Variants in ACBD5 observed in about 807,000 individuals in gnomAD.
ACBD5 encodes acyl-CoA-binding domain-containing protein 5.
ACBD5 carries 40 observed loss-of-function variants against 71.8 expected under a neutral mutation model. That is an observed-to-expected ratio of 0.56 (90% CI 0.43 to 0.72). The LOEUF (loss-of-function observed/expected upper bound fraction) is 0.72. Ranked by LOEUF, ACBD5 falls within the 30% of genes least tolerant of loss-of-function variation. The pLI is 0.00. For missense variants in ACBD5, 559 were observed against 644.5 expected, an observed-to-expected ratio of 0.87 and a Z score of 1.44; for synonymous variants, 229 against 218.6, an observed-to-expected ratio of 1.05 and a Z score of -0.42.
At chr10:27,217,918 A>G (rs1160929993) in intron 7 of ACBD5, 62 bp downstream of exon 7, 7 of 1,404,730 alleles carry the variant, frequency 5.0e-6, no homozygotes, top group Non-Finnish European at 7.0e-6. Flanking sequence ...TAAAGATCCT[A>G]TAATTACTAA....
At chr10:27,194,596 A>G (rs1302651181), downstream of ACBD5, among the ~76,000 whole-genome samples, 1 of 140,734 alleles carries the variant, frequency 7.1e-6, no homozygotes, top group Non-Finnish European at 1.5e-5. Flanking sequence ...TGGGCGGCAG[A>G]GCAAGACTCC....
chr10:27,227,858 G>A (rs982892780), intron 4 of ACBD5, among the ~76,000 whole-genome samples: 10 of 151,830 alleles, frequency 6.6e-5, no homozygotes, highest in African/African-American at 2.4e-4. Flanking sequence ...GATTACAAGC[G>A]CCCGCCACCA....
chr10:27,236,884 C>CAAAA (rs5783998), intron 2 of ACBD5, among the ~76,000 whole-genome samples: 13 of 87,128 alleles, frequency 1.5e-4, no homozygotes, highest in East Asian at 9.1e-4. Flanking sequence ...GACTTGGTCT[C>CAAAA]AAAAAAAAAA....
intron 4 of ACBD5, among the ~76,000 whole-genome samples, chr10:27,231,345 C>A (rs1832640271): frequency 6.6e-6 from 1 of 152,150 alleles, no homozygotes; most frequent in African/African-American, 2.4e-5. Flanking sequence ...GGAAAAACAA[C>A]ATCTCTGCTA....
At position 27,196,225 on chromosome 10, in the gene ACBD5, G is replaced by A. The variant is rs1245202632; in HGVS notation, c.*1205C>T. 2.2e-6 allele frequency: 1 copy of A among 454,010 alleles called. No individual in the cohort carries two copies. Among genetic ancestry groups the A allele is most frequent in the Non-Finnish European group, 4.4e-6 (1 of 226,762 alleles). The allele number at this position is 454,010 out of a possible 1,614,324, so 28.1% of individuals were successfully genotyped here. ...AAAAAAAAAAATTATTTGTTACAAA[G>A]ACTGCATCAAAGAAATCTTCAAAGC... On this transcript the variant is annotated 3_prime_UTR_variant, in exon 13 of 13. Coordinates refer to ENST00000396271, the MANE Select transcript of ACBD5 (RefSeq NM_145698.5).
rs2065274017 is a variant in ACBD5, at chr10:27,240,060, T to A, written c.181+259A>T. On this transcript the variant is annotated intron_variant, in intron 2 of 12. Coordinates refer to ENST00000396271, the MANE Select transcript of ACBD5 (RefSeq NM_145698.5). The surrounding 1 kb of genome is among the most constrained non-coding windows in gnomAD (Gnocchi z 4.1). ...ACCGCGCCCGGCCCGGATTTATTTT[T>A]TAACACACCCAAATCCGCAGTCATT... Among the ~76,000 whole-genome samples the A allele has an allele frequency of 6.6e-6, 1 of 152,218 alleles. No individual in the cohort carries two copies. Among genetic ancestry groups the A allele is most frequent in the African/African-American group, 2.4e-5 (1 of 41,454 alleles).
chr10:27,240,789 A>C lies in ACBD5; in HGVS notation c.-101T>G, dbSNP rs1029135469. On this transcript the variant is annotated 5_prime_UTR_variant, in exon 1 of 13. Coordinates refer to ENST00000396271, the MANE Select transcript of ACBD5 (RefSeq NM_145698.5). The surrounding 1 kb of genome is among the most constrained non-coding windows in gnomAD (Gnocchi z 4.1). ...GCAGCCACACCCCCCATTCCGCCGG[A>C]GTCCGTCTGTCAGTCCGTGCCCTCC... 31 of 1,521,282 alleles carry C rather than the reference A, an allele frequency of 2.0e-5. No individual in the cohort carries two copies. Among genetic ancestry groups the C allele is most frequent in the Non-Finnish European group, 2.7e-5 (30 of 1,122,056 alleles). The allele number at this position is 1,521,282 out of a possible 1,614,324, so 94.2% of individuals were successfully genotyped here.
At position 27,185,618 on chromosome 10, in the gene ACBD5, C is replaced by CAAAA. The variant is rs34847161; in HGVS notation, c.1494-2907_1494-2904dup. On this transcript the variant is annotated intron_variant, in intron 13 of 13. Transcript: ENST00000676511. Reference sequence around the variant, plus strand: ...ATTGCACTCCAGCCTAGGTGACAGACAAAAAAAAAAAAAAAAAAAATTAGC... The same window carrying CAAAA: ...ATTGCACTCCAGCCTAGGTGACAGACAAAAAAAAAAAAAAAAAAAAAAAATTAGC... Among the ~76,000 whole-genome samples the CAAAA allele has an allele frequency of 8.1e-5, 8 of 98,536 alleles. 1 individual carries two copies. The highest frequency in any genetic ancestry group is 7.8e-5 in the Non-Finnish European group (4 of 50,978). The allele number at this position is 98,536 out of a possible 152,430, so 64.6% of individuals were successfully genotyped here. A position where few individuals can be genotyped will look rare whatever the true frequency, so the allele number is the denominator to read the frequency against.
At chr10:27,205,552 C>A (rs914028264) in intron 10 of ACBD5, among the ~76,000 whole-genome samples, 1 of 151,978 alleles carries the variant, frequency 6.6e-6, no homozygotes, top group Non-Finnish European at 1.5e-5. Flanking sequence ...GAAAATAAAA[C>A]CTCAAATCAA....
chr10:27,197,464 C>A, intron 12 of ACBD5, 22 bp from the exon 13 acceptor site: 2 of 1,585,116 alleles, frequency 1.3e-6, no homozygotes, highest in South Asian at 2.3e-5. Context: ...AAATAAAAAC[C>A]AATTTCCTGT....
At chr10:27,237,619 A>ATT (rs2064894024) in intron 2 of ACBD5, among the ~76,000 whole-genome samples, 1 of 76,400 alleles carries the variant, frequency 1.3e-5, no homozygotes. Flanking sequence ...TTGATAGGAT[A>ATT]TCTTTTTTTT....
At chr10:27,185,123 G>C (rs1353518515) in intron 13 of ACBD5, among the ~76,000 whole-genome samples, 3 of 152,178 alleles carry the variant, frequency 2.0e-5, no homozygotes, top group Non-Finnish European at 2.9e-5. Context: ...GAAGGATAAG[G>C]ATGGAGCACA....
At position 27,209,732 on chromosome 10, in the gene ACBD5, A is replaced by T. The variant is rs1310178593; in HGVS notation, c.1204+1082T>A. Among the ~76,000 whole-genome samples the T allele has an allele frequency of 2.6e-5, 4 of 152,232 alleles. No homozygotes were observed. The South Asian group carries it at 6.2e-4, about 24-fold the overall frequency. ...TATTCATCCATTCTTTTCTCTGGGC[A>T]TATATTTACAAAATTGGCATTACCC... On this transcript the variant is annotated intron_variant, in intron 9 of 12. Coordinates refer to ENST00000396271, the MANE Select transcript of ACBD5 (RefSeq NM_145698.5).
intron 13 of ACBD5, among the ~76,000 whole-genome samples, chr10:27,189,830 G>T (rs1473412090): frequency 6.6e-6 from 1 of 151,272 alleles, no homozygotes; most frequent in Non-Finnish European, 1.5e-5. Flanking sequence ...TTTATTGGAT[G>T]AATTTAGAAA....
upstream of ACBD5, chr10:27,241,968 G>A: frequency 2.3e-6 from 1 of 438,920 alleles, no homozygotes; most frequent in South Asian, 1.6e-5. Context: ...GTTTTTGTCA[G>A]TTAGGGGGAT....
chr10:27,195,228 C>G lies in ACBD5; in HGVS notation c.*2202G>C, dbSNP rs1487342455. On this transcript the variant is annotated 3_prime_UTR_variant, in exon 13 of 13. Coordinates refer to ENST00000396271, the MANE Select transcript of ACBD5 (RefSeq NM_145698.5). ...TAAAAGCCATATCATTTCTCATTAA[C>G]CTTTTATTTTTAACTTAGTTTTACA... The G allele has an allele frequency of 7.4e-6, 3 of 403,574 alleles. No individual in the cohort carries two copies. Among genetic ancestry groups the G allele is most frequent in the Non-Finnish European group, 1.4e-5 (3 of 209,052 alleles). 25.0% of individuals were successfully genotyped at this position (403,574 alleles called of 1,614,324 possible).
intron 13 of ACBD5, chr10:27,186,310 A>C (rs2058743963): frequency 7.0e-7 from 1 of 1,421,744 alleles, no homozygotes; most frequent in Middle Eastern, 1.8e-4. Context: ...TCTTTTTATA[A>C]TAATTCCTGT....
rs1370523708 is a variant in ACBD5 at position 27,197,274 on chromosome 10, A to C, written c.*156T>G. 1 of 739,824 alleles carries C rather than the reference A, an allele frequency of 1.4e-6. No homozygotes were observed. Among genetic ancestry groups the C allele is most frequent in the Non-Finnish European group, 2.4e-6 (1 of 410,328 alleles). 45.8% of individuals were successfully genotyped at this position (739,824 alleles called of 1,614,324 possible). On this transcript the variant is annotated 3_prime_UTR_variant, in exon 13 of 13. Transcript: ENST00000396271. ...AAAATGTTATCGTTTGTGTAGTGCA[A>C]AATATATATGTGTATATATGTACAC...
At chr10:27,217,207 G>A (rs1449180705) in intron 7 of ACBD5, among the ~76,000 whole-genome samples, 1 of 144,696 alleles carries the variant, frequency 6.9e-6, no homozygotes, top group Non-Finnish European at 1.5e-5. Flanking sequence ...TGTAATTCCA[G>A]CACTTTGGGA....
Sources: allele counts gnomAD v4.1 joint callset (sites outside exome capture counted in the v4.1 genomes callset), GRCh38; gene constraint gnomAD v4.1.1; non-coding constraint Gnocchi (gnomAD v3.1); transcripts MANE v1.5; gene names NCBI Gene and HGNC (gene_info 2026-07-23, HGNC 2026-07-21).